Variants in SRPK2 observed in about 807,000 individuals in gnomAD.
The protein encoded by SRPK2 is SFRS protein kinase 2.
Under a neutral mutation model 90.8 loss-of-function variants are expected in SRPK2, and 21 were observed. The ratio of observed to expected loss-of-function variants is 0.23; its 90% confidence interval spans 0.16 to 0.33. The LOEUF is 0.33. Among genes scored for constraint, SRPK2 ranks in the 10% least tolerant of loss-of-function variants. The probability of loss-of-function intolerance (pLI) is 1.00; values close to 1 mark genes in which losing one functional copy is unlikely to be tolerated. For missense variants in SRPK2, 620 were observed against 869.0 expected (o/e 0.71, Z 3.60); for synonymous variants, 288 against 311.1 (o/e 0.93, Z 0.78).
At chr7:105,215,680 C>T (rs756861978) in intron 2 of SRPK2, among the ~76,000 whole-genome samples, 1 of 152,152 alleles carries the variant, frequency 6.6e-6, no homozygotes, top group Non-Finnish European at 1.5e-5. Context: ...CTCATAGATG[C>T]TACCACATGG....
At chr7:105,387,624 AG>A (rs1234977581) in intron 2 of SRPK2, among the ~76,000 whole-genome samples, 2 of 152,050 alleles carry the variant, frequency 1.3e-5, no homozygotes, top group African/African-American at 4.8e-5. Context: ...TACCCCTCAA[AG>A]GAAACAACCA....
At chr7:105,360,958 G>C (rs534869279) in intron 2 of SRPK2, among the ~76,000 whole-genome samples, 1 of 152,212 alleles carries the variant, frequency 6.6e-6, no homozygotes, top group South Asian at 2.1e-4. Context: ...TATTCAACAC[G>C]TTGCTGGAAG....
At chr7:105,202,197 T>C (rs1795651178) in intron 3 of SRPK2, among the ~76,000 whole-genome samples, 2 of 152,336 alleles carry the variant, frequency 1.3e-5, no homozygotes, top group African/African-American at 2.4e-5. Context: ...TACACTTTTG[T>C]AGTACAGTAA....
intron 6 of SRPK2, among the ~76,000 whole-genome samples, chr7:105,162,330 C>T (rs552336226): frequency 1.3e-5 from 2 of 152,320 alleles, no homozygotes; most frequent in East Asian, 3.9e-4. Flanking sequence ...GCATGAGCCA[C>T]CACACCTGGC....
intron 3 of SRPK2, among the ~76,000 whole-genome samples, chr7:105,192,075 T>C (rs1794367473): frequency 6.7e-6 from 1 of 149,496 alleles, no homozygotes; most frequent in East Asian, 2.0e-4. Context: ...TTAATTTCCA[T>C]AAGTTTTGGG....
intron 2 of SRPK2, among the ~76,000 whole-genome samples, chr7:105,348,922 G>T (rs1816804444): frequency 6.6e-6 from 1 of 151,862 alleles, no homozygotes; most frequent in East Asian, 2.0e-4. Context: ...AAGGCGGGCA[G>T]ATCACCTGAG....
intron 2 of SRPK2, among the ~76,000 whole-genome samples, chr7:105,264,138 G>A (rs1168586992): frequency 6.6e-6 from 1 of 152,164 alleles, no homozygotes; most frequent in Non-Finnish European, 1.5e-5. Flanking sequence ...CAACTTAAGA[G>A]CAAATCAAAG....
At chr7:105,241,594 G>C (rs1012262343) in intron 2 of SRPK2, among the ~76,000 whole-genome samples, 3 of 152,138 alleles carry the variant, frequency 2.0e-5, no homozygotes, top group African/African-American at 7.2e-5. Context: ...CAACTTTCCA[G>C]AATTTAGCTT....
chr7:105,188,405 A>G (rs1019444524), intron 3 of SRPK2, among the ~76,000 whole-genome samples: 4 of 152,246 alleles, frequency 2.6e-5, no homozygotes, highest in Non-Finnish European at 5.9e-5. Flanking sequence ...CTGGAATTTT[A>G]AAGTGGTGAG....
chr7:105,160,670 G>A, intron 6 of SRPK2, 57 bp from the exon 7 acceptor site: 1 of 986,912 alleles, frequency 1.0e-6, no homozygotes, highest in Non-Finnish European at 1.6e-6. Flanking sequence ...GGCAGTTATT[G>A]AAAGCAGCAC....
At chr7:105,345,809 G>C (rs1816384412) in intron 2 of SRPK2, among the ~76,000 whole-genome samples, 1 of 152,162 alleles carries the variant, frequency 6.6e-6, no homozygotes, top group Non-Finnish European at 1.5e-5. Flanking sequence ...GCCCCATGTA[G>C]CTATTTAAAT....
chr7:105,173,375 A>G (rs1231527977), intron 3 of SRPK2, among the ~76,000 whole-genome samples: 2 of 152,300 alleles, frequency 1.3e-5, no homozygotes, highest in East Asian at 3.9e-4. Context: ...CTCATATTGT[A>G]ACTCCTGGTT....
At chr7:105,293,335 C>G (rs1355154081) in intron 2 of SRPK2, among the ~76,000 whole-genome samples, 1 of 151,848 alleles carries the variant, frequency 6.6e-6, no homozygotes, top group Non-Finnish European at 1.5e-5. Flanking sequence ...ATGGTTACAA[C>G]ACTAACTGTT....
intron 3 of SRPK2, among the ~76,000 whole-genome samples, chr7:105,171,115 A>T (rs1791080045): frequency 6.6e-6 from 1 of 151,892 alleles, no homozygotes; most frequent in Non-Finnish European, 1.5e-5. Context: ...GAGAGGAAGA[A>T]ATCAGCTATA....
chr7:105,245,074 C>CACACACAA, intron 2 of SRPK2: 1 of 609,182 alleles, frequency 1.6e-6, no homozygotes, highest in South Asian at 1.8e-5. Flanking sequence ...CACACACACA[C>CACACACAA]CTCTTTTTCT....
intron 3 of SRPK2, among the ~76,000 whole-genome samples, chr7:105,201,018 T>TTAG (rs1795480787): frequency 4.6e-5 from 7 of 152,282 alleles, no homozygotes; most frequent in Admixed American, 3.3e-4. Flanking sequence ...GTAGGTAAAA[T>TTAG]GTACTAAAGT....
chr7:105,370,111 T>C (rs538319359), intron 2 of SRPK2, among the ~76,000 whole-genome samples: 2 of 152,196 alleles, frequency 1.3e-5, no homozygotes, highest in African/African-American at 2.4e-5. Context: ...CCCTGGATGT[T>C]AGAAGTAATG....
chr7:105,117,365 A>T lies in SRPK2; in HGVS notation c.*473T>A, dbSNP rs1173186532. The T allele has an allele frequency of 1.3e-5, 2 of 158,850 alleles. No homozygotes were observed. Among genetic ancestry groups the T allele is most frequent in the Non-Finnish European group, 2.8e-5 (2 of 72,668 alleles). 9.8% of individuals were successfully genotyped at this position (158,850 alleles called of 1,614,324 possible). On this transcript the variant is annotated 3_prime_UTR_variant, in exon 16 of 16. Transcript: ENST00000393651. ...TAACATTTACAGGGTGCATTTACAT[A>T]CACTATAATACAGGAATGATGTCCC...
In SRPK2 at chr7:105,170,967, G is replaced by GAAAGAAAGAAA. The variant is rs66735717; in HGVS notation, c.230-1703_230-1702insTTTCTTTCTTT. On this transcript the variant is annotated intron_variant, in intron 3 of 15. Coordinates refer to ENST00000393651, the MANE Select transcript of SRPK2 (RefSeq NM_182692.3). ...AGAAAGAAAGAAAGAAAGAAAGAAA[G>GAAAGAAAGAAA]AGAAAGAAAGAGAAAGAAAGAAAGA... is the stretch of plus-strand genomic sequence containing the variant. Among the ~76,000 whole-genome samples, 2 of 74,462 alleles carry GAAAGAAAGAAA rather than the reference G, an allele frequency of 2.7e-5. 1 individual carries two copies. Among genetic ancestry groups the GAAAGAAAGAAA allele is most frequent in the African/African-American group, 1.1e-4 (2 of 18,548 alleles). The allele number at this position is 74,462 out of a possible 152,430, so 48.8% of individuals were successfully genotyped here.
Sources: gnomAD v4.1 joint callset for allele counts (sites outside exome capture counted in the v4.1 genomes callset) on GRCh38, gnomAD v4.1.1 for gene constraint, MANE v1.5 for transcripts, NCBI Gene and HGNC (gene_info 2026-07-23, HGNC 2026-07-21) for gene names.